The following MKLN1 variants were observed in gnomAD, a reference collection of about 807,000 sequenced individuals.
MKLN1 encodes the protein muskelin.
A neutral mutation model predicts 99.0 loss-of-function variants in MKLN1; 18 were observed. That is an observed-to-expected ratio of 0.18 (90% CI 0.13 to 0.27). The LOEUF is 0.27. Among genes scored for constraint, MKLN1 ranks in the 10% least tolerant of loss-of-function variants. The pLI is 1.00. For missense variants in MKLN1, 621 were observed against 875.9 expected (o/e 0.71, Z 3.67); for synonymous variants, 288 against 293.2 (o/e 0.98, Z 0.18).
At position 131,319,117 on chromosome 7, in the gene MKLN1, C is replaced by G. The variant is rs1471360890; in HGVS notation, c.-178-56307C>G. On this transcript the variant is annotated intron_variant, in intron 3 of 7. Coordinates refer to the MKLN1 transcript ENST00000416992. ...TTATGAGGCCAGCGTCCTCCTGATA[C>G]CAAAACCTGGCAAAGACACAACAAA... 6.6e-5 allele frequency among the ~76,000 whole-genome samples: 10 copies of G among 152,280 alleles called. No homozygotes were observed. In the East Asian group the frequency reaches 1.9e-3, roughly 29 times the overall value.
chr7:131,269,823 G>A (rs1797858302), intron 3 of MKLN1, among the ~76,000 whole-genome samples: 1 of 152,182 alleles, frequency 6.6e-6, no homozygotes, highest in Admixed American at 6.5e-5. Context: ...ATATAAAGAG[G>A]ATGATGTACA....
chr7:131,235,956 G>A (rs975838905), intron 3 of MKLN1, among the ~76,000 whole-genome samples: 6 of 152,170 alleles, frequency 3.9e-5, no homozygotes, highest in African/African-American at 7.2e-5. Flanking sequence ...GGCCCCGATG[G>A]GGAGTGTGCC....
chr7:131,301,202 T>C (rs1798372873), intron 3 of MKLN1, among the ~76,000 whole-genome samples: 1 of 152,228 alleles, frequency 6.6e-6, no homozygotes, highest in African/African-American at 2.4e-5. Context: ...GGGAGAGAAC[T>C]GCTGCTCAGA....
At chr7:131,155,000 C>T (rs192986687) in intron 2 of MKLN1, among the ~76,000 whole-genome samples, 314 of 152,308 alleles carry the variant, frequency 2.1e-3, no homozygotes, top group Non-Finnish European at 3.5e-3. Flanking sequence ...GACATTTACA[C>T]TGACATAGTT....
intron 3 of MKLN1, among the ~76,000 whole-genome samples, chr7:131,242,072 G>T (rs1394304035): frequency 6.6e-6 from 1 of 152,158 alleles, no homozygotes; most frequent in Non-Finnish European, 1.5e-5. Flanking sequence ...AGACACTGAG[G>T]TTAATAATGT....
intron 2 of MKLN1, among the ~76,000 whole-genome samples, chr7:131,167,389 A>C (rs1025538713): frequency 6.6e-6 from 1 of 152,162 alleles, no homozygotes; most frequent in African/African-American, 2.4e-5. Context: ...GTGGAAAAGA[A>C]GGCCAGGTAT....
chr7:131,327,950 C>G lies in MKLN1; in HGVS notation c.51C>G (p.Pro17=), dbSNP rs529477176. The G allele has an allele frequency of 6.2e-7, 1 of 1,613,860 alleles. No homozygotes were observed. The highest frequency in any genetic ancestry group is 8.5e-7 in the Non-Finnish European group (1 of 1,179,880). Residue 17 remains proline (P), a synonymous_variant, in exon 1 of 18, where the codon CCC becomes CCG. Transcript: ENST00000352689. ...CGGCGCCCGAGTGCCGGCTTCTCCC[C>G]TACGCGCTACACAAGTGGAGCTCCT... ...VAAAPECRLL[P]YALHKWSSFS... is the part of the protein sequence containing the mutation.
chr7:131,159,833 G>C (rs1017024457), intron 2 of MKLN1, among the ~76,000 whole-genome samples: 3 of 152,168 alleles, frequency 2.0e-5, no homozygotes, highest in Admixed American at 6.5e-5. Flanking sequence ...AAATTCTCCT[G>C]AGCACTTTAC....
At chr7:131,445,987 AT>A in intron 12 of MKLN1, 84 bp downstream of exon 12, 8 of 902,082 alleles carry the variant, frequency 8.9e-6, no homozygotes, top group Admixed American at 2.8e-5. Flanking sequence ...CTTTCTAATC[AT>A]TTTTCACCCT....
At position 131,190,862 on chromosome 7, in the gene MKLN1, G is replaced by A. The variant is rs998481677; in HGVS notation, c.-296-11995G>A. 3.0e-4 allele frequency among the ~76,000 whole-genome samples: 46 copies of A among 152,204 alleles called. 1 individual carries two copies. The highest frequency in any genetic ancestry group is 5.9e-5 in the Non-Finnish European group (4 of 68,034). On this transcript the variant is annotated intron_variant, in intron 2 of 7. Coordinates refer to the MKLN1 transcript ENST00000416992. ...GATAACAACTTCAGACCAGGACATG[G>A]GGAGTTCTGTTGCTGGAAAAAGCAA...
intron 12 of MKLN1, among the ~76,000 whole-genome samples, chr7:131,452,748 A>G (rs1796220611): frequency 6.6e-6 from 1 of 151,892 alleles, no homozygotes. Flanking sequence ...ACGGGGTTTC[A>G]TCATGTTGGC....
chr7:131,415,425 C>T (rs1310096612), intron 8 of MKLN1, among the ~76,000 whole-genome samples: 1 of 152,006 alleles, frequency 6.6e-6, no homozygotes, highest in African/African-American at 2.4e-5. Flanking sequence ...TGCTTGGAGA[C>T]TCATATTCTA....
chr7:131,376,095 A>AATATATATATATATATATAT (rs60323728), intron 2 of MKLN1, among the ~76,000 whole-genome samples: 17 of 108,058 alleles, frequency 1.6e-4, no homozygotes, highest in South Asian at 3.3e-4. Context: ...AATTCATGGA[A>AATATATATATATATATATAT]ATATATATAT....
At chr7:131,297,469 G>A (rs2116611319) in intron 3 of MKLN1, among the ~76,000 whole-genome samples, 1 of 151,666 alleles carries the variant, frequency 6.6e-6, no homozygotes, top group African/African-American at 2.4e-5. Flanking sequence ...CAGATACAAA[G>A]CCCAAATATC....
chr7:131,266,231 G>C (rs1416254390), intron 3 of MKLN1, among the ~76,000 whole-genome samples: 1 of 146,918 alleles, frequency 6.8e-6, no homozygotes, highest in Non-Finnish European at 1.5e-5. Flanking sequence ...ATAGAATAAA[G>C]AGAGTATACT....
intron 1 of MKLN1, among the ~76,000 whole-genome samples, chr7:131,122,103 T>C (rs1390749297): frequency 2.0e-5 from 3 of 152,266 alleles, no homozygotes; most frequent in Non-Finnish European, 4.4e-5. Flanking sequence ...TATTTTATTA[T>C]TTATTTTTGT....
intron 3 of MKLN1, among the ~76,000 whole-genome samples, chr7:131,209,999 C>T (rs35551631): frequency 0.18 from 27,863 of 152,048 alleles, 3,007 homozygotes; most frequent in Non-Finnish European, 0.25. Context: ...GGGTCAACAC[C>T]GGAAATCATC....
At chr7:131,412,269 T>C (rs1794903993) in intron 7 of MKLN1, among the ~76,000 whole-genome samples, 1 of 152,216 alleles carries the variant, frequency 6.6e-6, no homozygotes, top group Admixed American at 6.5e-5. Context: ...TATAAACTGC[T>C]TTGTTAGAGG....
intron 10 of MKLN1, among the ~76,000 whole-genome samples, chr7:131,441,602 A>G (rs1402247218): frequency 6.6e-6 from 1 of 152,172 alleles, no homozygotes; most frequent in Admixed American, 6.5e-5. Context: ...TAAAAATGAC[A>G]AAACAAATCA....
Sources: gnomAD v4.1 joint callset for allele counts (sites outside exome capture counted in the v4.1 genomes callset) on GRCh38, gnomAD v4.1.1 for gene constraint, MANE v1.5 for transcripts, NCBI Gene and HGNC (gene_info 2026-07-23, HGNC 2026-07-21) for gene names.